The following MTOR variants were observed in gnomAD, a reference collection of about 807,000 sequenced individuals.
MTOR encodes the protein mechanistic target of rapamycin kinase.
MTOR carries 70 observed loss-of-function variants against 319.8 expected under a neutral mutation model. That is an observed-to-expected ratio of 0.22 (90% CI 0.18 to 0.27). The LOEUF (loss-of-function observed/expected upper bound fraction) is 0.27, where lower values mean the gene tolerates loss of function less well. Ranked by LOEUF, MTOR falls within the 10% of genes least tolerant of loss-of-function variation. The pLI, the probability that MTOR is intolerant of heterozygous loss-of-function variation, is 1.00. For missense variants in MTOR, 1,890 were observed against 3,274.4 expected (o/e 0.58, Z 10.32); for synonymous variants, 1,183 against 1,211.4 (o/e 0.98, Z 0.49).
chr1:11,141,819 T>C (rs1347805188), intron 34 of MTOR, among the ~76,000 whole-genome samples: 1 of 149,558 alleles, frequency 6.7e-6, no homozygotes, highest in Non-Finnish European at 1.5e-5. Flanking sequence ...ACCCCGTCTC[T>C]ACTAAAAAAT....
chr1:11,243,800 A>G (rs1254566638), intron 8 of MTOR, among the ~76,000 whole-genome samples: 2 of 152,232 alleles, frequency 1.3e-5, no homozygotes, highest in African/African-American at 4.8e-5. Context: ...CTGAAGAAAT[A>G]TATGTCAAAC....
At chr1:11,192,318 C>G (rs149100315) in intron 28 of MTOR, 1 of 1,614,120 alleles carries the variant, frequency 6.2e-7, no homozygotes, top group East Asian at 2.2e-5. Context: ...TACCGCATCT[C>G]TGGAGTGTAT....
intron 2 of MTOR, 74 bp from the exon 3 acceptor site, chr1:11,258,667 A>G (rs1015486126): frequency 1.8e-6 from 2 of 1,121,198 alleles, no homozygotes; most frequent in African/African-American, 3.1e-5. Context: ...GCTGGCATCT[A>G]AAGATTAGAT....
intron 8 of MTOR, among the ~76,000 whole-genome samples, chr1:11,246,604 T>TG (rs35477451): frequency 0.64 from 97,787 of 152,116 alleles, 33,790 homozygotes; most frequent in East Asian, 0.91. Flanking sequence ...GTGGTTTGTC[T>TG]GGCTGGGTGG....
intron 26 of MTOR, among the ~76,000 whole-genome samples, chr1:11,203,080 G>A (rs1432736808): frequency 6.6e-6 from 1 of 151,854 alleles, no homozygotes; most frequent in Non-Finnish European, 1.5e-5. Context: ...GGGCGTGGTG[G>A]CGTGTGCCTG....
In MTOR at chr1:11,106,584, C is replaced by T; in HGVS notation, c.*901G>A. ...TATTGGCACAAAAATTATTCTGATACAACATGGTGTCTAGACATGGCTACA... is the reference window on the plus strand; with the variant it reads ...TATTGGCACAAAAATTATTCTGATATAACATGGTGTCTAGACATGGCTACA... On this transcript the variant is annotated 3_prime_UTR_variant, in exon 58 of 58. Transcript: ENST00000361445. The T allele has an allele frequency of 1.9e-6, 2 of 1,072,420 alleles. No homozygotes were observed. Among genetic ancestry groups the T allele is most frequent in the Non-Finnish European group, 2.3e-6 (2 of 883,094 alleles). The allele number at this position is 1,072,420 out of a possible 1,614,324, so 66.4% of individuals were successfully genotyped here.
chr1:11,187,631 T>C (rs996402542), intron 28 of MTOR, among the ~76,000 whole-genome samples: 9 of 152,214 alleles, frequency 5.9e-5, no homozygotes, highest in Middle Eastern at 3.2e-3. Flanking sequence ...GTATGGTACA[T>C]AGCACTTCTG....
chr1:11,249,389 G>T lies in MTOR; in HGVS notation c.841-1295C>A, dbSNP rs551629035. On this transcript the variant is annotated intron_variant, in intron 6 of 57. Coordinates refer to ENST00000361445, the MANE Select transcript of MTOR (RefSeq NM_004958.4). Reference sequence around the variant, plus strand: ...GTCACCAGTGAGTCTTTTTTTTTTTGAAACTAAAACACTCCATCTTTATTT... The same window carrying T: ...GTCACCAGTGAGTCTTTTTTTTTTTTAAACTAAAACACTCCATCTTTATTT... Among the ~76,000 whole-genome samples, 1,092 of 144,942 alleles carry T rather than the reference G, an allele frequency of 7.5e-3. 13 individuals are homozygous for T. The highest frequency in any genetic ancestry group is 0.025 in the African/African-American group (980 of 38,656).
intron 28 of MTOR, among the ~76,000 whole-genome samples, chr1:11,185,355 C>T (rs1471085582): frequency 6.7e-6 from 1 of 148,244 alleles, no homozygotes; most frequent in Non-Finnish European, 1.5e-5. Flanking sequence ...GCTGGAGGAT[C>T]ACTTGAGCCC....
At chr1:11,120,805 C>T (rs1642484873) in intron 49 of MTOR, among the ~76,000 whole-genome samples, 1 of 152,028 alleles carries the variant, frequency 6.6e-6, no homozygotes, top group African/African-American at 2.4e-5. Flanking sequence ...TAAAAATTTA[C>T]ATTTCTTATT....
Position 11,129,699 on chromosome 1 carries a change from C to T in MTOR, c.5714+39G>A, listed in dbSNP as rs1326238646. On this transcript the variant is annotated intron_variant, in intron 40 of 57. Transcript: ENST00000361445. This position sits in a 1 kb window ranked among gnomAD's most constrained non-coding sequence, Gnocchi z 4.7. ...TGTGACTTCTAGGTCTTGCCATTAA[C>T]ATGGCCTACCAGAGTTGCATCCTTC... The T allele has an allele frequency of 6.4e-7, 1 of 1,566,664 alleles. No homozygotes were observed. The highest frequency in any genetic ancestry group is 2.2e-5 in the East Asian group (1 of 44,596).
At chr1:11,192,892 A>C (rs957353759) in intron 28 of MTOR, among the ~76,000 whole-genome samples, 3 of 152,164 alleles carry the variant, frequency 2.0e-5, no homozygotes, top group Non-Finnish European at 2.9e-5. Context: ...GTCAAACAAC[A>C]AGCCTTCTAA....
chr1:11,142,841 T>C (rs1302141800), intron 34 of MTOR, among the ~76,000 whole-genome samples: 2 of 152,194 alleles, frequency 1.3e-5, no homozygotes, highest in South Asian at 2.1e-4. Context: ...AACTGCCCTA[T>C]GGGAGGGTCT....
rs368154960 is a variant in MTOR, at chr1:11,173,513, G to A, written c.4254-5996C>T. Among the ~76,000 whole-genome samples, 275 of 152,016 alleles carry A rather than the reference G, an allele frequency of 1.8e-3. 2 individuals are homozygous for A. Among genetic ancestry groups the A allele is most frequent in the South Asian group, 5.2e-3 (25 of 4,816 alleles). On this transcript the variant is annotated intron_variant, in intron 28 of 57. Coordinates refer to ENST00000361445, the MANE Select transcript of MTOR (RefSeq NM_004958.4). The stretch of plus-strand genomic sequence containing the variant: ...GCCCAGGCTGGTCTCGAACTCCTGA[G>A]CTCAAGTGATCTGCCTGTCTCAGCC...
At chr1:11,170,334 T>C (rs1644773689) in intron 28 of MTOR, among the ~76,000 whole-genome samples, 14 of 152,252 alleles carry the variant, frequency 9.2e-5, no homozygotes, top group African/African-American at 3.4e-4. Context: ...GGGTAAACTG[T>C]ACTAATAATA....
chr1:11,233,227 T>A lies in MTOR; in HGVS notation c.2421+171A>T, dbSNP rs556821122. On this transcript the variant is annotated intron_variant, in intron 15 of 57. Transcript: ENST00000361445. Reference sequence around the variant, plus strand: ...TATCTGGAGAGTTGGACATGTTTTATTGAGAATATATTATTTCTCTCTGAA... The same window carrying A: ...TATCTGGAGAGTTGGACATGTTTTAATGAGAATATATTATTTCTCTCTGAA... 6.1e-6 allele frequency: 5 copies of A among 820,180 alleles called. No homozygotes were observed. The Admixed American group carries it at 1.1e-4, about 18-fold the overall frequency. The allele number at this position is 820,180 out of a possible 1,614,324, so 50.8% of individuals were successfully genotyped here.
In MTOR at chr1:11,107,307, T is replaced by C; in HGVS notation, c.*178A>G. The C allele has an allele frequency of 6.7e-7, 1 of 1,481,482 alleles. No individual in the cohort carries two copies. Among genetic ancestry groups the C allele is most frequent in the Non-Finnish European group, 8.9e-7 (1 of 1,117,752 alleles). 91.8% of individuals were successfully genotyped at this position (1,481,482 alleles called of 1,614,324 possible). The stretch of plus-strand genomic sequence containing the variant: ...CCTTGTGTTTCTGACAATATATTCT[T>C]CAACAGCAGCTAGAAAGTTGGTTCA... On this transcript the variant is annotated 3_prime_UTR_variant, in exon 58 of 58. Transcript: ENST00000361445.
chr1:11,240,571 A>G, intron 10 of MTOR, 24 bp from the exon 11 acceptor site: 8 of 1,609,476 alleles, frequency 5.0e-6, no homozygotes, highest in Non-Finnish European at 5.9e-6. Flanking sequence ...AACAAGTCAC[A>G]TAAGGGCTGG....
chr1:11,179,204 C>A (rs1327406005), intron 28 of MTOR, among the ~76,000 whole-genome samples: 1 of 152,166 alleles, frequency 6.6e-6, no homozygotes, highest in Non-Finnish European at 1.5e-5. Flanking sequence ...TGAGGCAGAG[C>A]CCAGCACCTA....
Sources: allele counts gnomAD v4.1 joint callset (sites outside exome capture counted in the v4.1 genomes callset), GRCh38; gene constraint gnomAD v4.1.1; non-coding constraint Gnocchi (gnomAD v3.1); transcripts MANE v1.5; gene names NCBI Gene and HGNC (gene_info 2026-07-23, HGNC 2026-07-21).